PTPRG: variants seen among roughly 807,000 people sequenced by gnomAD.
The protein encoded by PTPRG is receptor-type tyrosine-protein phosphatase gamma.
Under a neutral mutation model 165.3 loss-of-function variants are expected in PTPRG, and 102 were observed. The ratio of observed to expected loss-of-function variants is 0.62; its 90% CI spans 0.53 to 0.73. The LOEUF is 0.73. PTPRG is among the 30% of genes least tolerant of loss of function. The pLI is 0.00. For missense variants in PTPRG, 1,866 were observed against 1,861.4 expected, an observed-to-expected ratio of 1.00 and a Z score of -0.05; for synonymous variants, 675 against 669.5, an observed-to-expected ratio of 1.01 and a Z score of -0.13.
intron 1 of PTPRG, among the ~76,000 whole-genome samples, chr3:61,719,448 G>A (rs937199652): frequency 6.6e-6 from 1 of 152,090 alleles, no homozygotes. Context: ...CCTCCTCTCT[G>A]TCCTTTGTAG....
intron 2 of PTPRG, among the ~76,000 whole-genome samples, chr3:61,839,315 T>G (rs542557761): frequency 6.6e-6 from 1 of 152,216 alleles, no homozygotes; most frequent in Non-Finnish European, 1.5e-5. Context: ...GTAGAATGAA[T>G]CTTATTTTAG....
In PTPRG at chr3:62,080,927, T is replaced by C. The variant is rs186123047; in HGVS notation, c.615+2669T>C. Among the ~76,000 whole-genome samples, 222 of 152,276 alleles carry C rather than the reference T, an allele frequency of 1.5e-3. 2 individuals carry two copies. Among genetic ancestry groups the C allele is most frequent in the South Asian group, 0.013 (65 of 4,820 alleles). ...CTTTTCTAAATTTGGCTTGCTATCCTAAAGACACAAATTAGAGGTCAGATG... is the reference window on the plus strand; with the variant it reads ...CTTTTCTAAATTTGGCTTGCTATCCCAAAGACACAAATTAGAGGTCAGATG... On this transcript the variant is annotated intron_variant, in intron 5 of 29. Coordinates refer to ENST00000474889, the MANE Select transcript of PTPRG (RefSeq NM_002841.4).
At chr3:62,268,892 A>T in intron 19 of PTPRG, 143 bp from the exon 20 acceptor site, 1 of 862,936 alleles carries the variant, frequency 1.2e-6, no homozygotes, top group African/African-American at 1.7e-5. Flanking sequence ...ACCTGCCTTT[A>T]AGCAGTTAAA....
At chr3:61,629,211 A>G (rs764471756) in intron 1 of PTPRG, among the ~76,000 whole-genome samples, 7 of 151,908 alleles carry the variant, frequency 4.6e-5, no homozygotes, top group Non-Finnish European at 7.4e-5. Flanking sequence ...CTGGAGTGCA[A>G]TGGCGCAATT....
At chr3:62,016,258 C>G (rs1264762655) in intron 4 of PTPRG, among the ~76,000 whole-genome samples, 3 of 152,190 alleles carry the variant, frequency 2.0e-5, no homozygotes, top group Non-Finnish European at 4.4e-5. Flanking sequence ...ACCTCCGCCT[C>G]CCAGGTTCAA....
At chr3:62,125,499 C>T (rs879216777) in intron 5 of PTPRG, among the ~76,000 whole-genome samples, 2 of 152,118 alleles carry the variant, frequency 1.3e-5, no homozygotes, top group African/African-American at 4.8e-5. Flanking sequence ...TGAAAACAGT[C>T]GGCTCTGCCT....
chr3:62,216,936 G>A (rs965553776), intron 12 of PTPRG, among the ~76,000 whole-genome samples: 11 of 152,140 alleles, frequency 7.2e-5, no homozygotes, highest in Admixed American at 5.9e-4. Flanking sequence ...CTTCGTTGGG[G>A]AGCTCATGGA....
intron 4 of PTPRG, among the ~76,000 whole-genome samples, chr3:62,057,690 T>A (rs1700678185): frequency 6.6e-6 from 1 of 152,004 alleles, no homozygotes; most frequent in Non-Finnish European, 1.5e-5. Context: ...TGTATGGGAG[T>A]CCAGTAGAAT....
chr3:62,255,043 TA>T lies in PTPRG; in HGVS notation c.2468-79del. ...CTTTGCAAAAATCAAGTATTTGTCT[TA>T]AGGATGCTTTGCTTTATCAGTGTAA... On this transcript the variant is annotated intron_variant, in intron 15 of 29. Transcript: ENST00000474889. This position sits in a 1 kb window ranked among gnomAD's most constrained non-coding sequence, Gnocchi z 4.0. 8.3e-7 allele frequency: 1 copy of T among 1,205,802 alleles called. No individual in the cohort carries two copies. 74.7% of individuals were successfully genotyped at this position (1,205,802 alleles called of 1,614,324 possible).
chr3:62,231,208 GT>G lies in PTPRG; in HGVS notation c.2289-11del, dbSNP rs780050309. On this transcript the variant is annotated splice_polypyrimidine_tract_variant and intron_variant, in intron 13 of 29. Transcript: ENST00000474889. ...CTGTATTCTACACCTGTTCTCTTTT[GT>G]TTTTTGTCCATTTAGAGGGTGTAAC... 6.6e-7 allele frequency: 1 copy of G among 1,525,182 alleles called. No individual in the cohort carries two copies. The highest frequency in any genetic ancestry group is 1.3e-5 in the South Asian group (1 of 76,272). The allele number at this position is 1,525,182 out of a possible 1,614,324, so 94.5% of individuals were successfully genotyped here.
At chr3:61,755,497 A>C (rs1229449180) in intron 2 of PTPRG, among the ~76,000 whole-genome samples, 1 of 152,192 alleles carries the variant, frequency 6.6e-6, no homozygotes, top group Non-Finnish European at 1.5e-5. Context: ...ACATATCCCT[A>C]TTAATCTTAC....
chr3:61,982,920 G>T (rs1156555633), intron 2 of PTPRG, among the ~76,000 whole-genome samples: 2 of 152,228 alleles, frequency 1.3e-5, no homozygotes, highest in East Asian at 3.9e-4. Flanking sequence ...TGGTATTATG[G>T]TTAGTTGTTG....
chr3:62,227,576 G>T (rs1194915604), intron 13 of PTPRG, among the ~76,000 whole-genome samples: 1 of 152,232 alleles, frequency 6.6e-6, no homozygotes, highest in African/African-American at 2.4e-5. Context: ...CATAGAGCTT[G>T]TAAGTTTTAG....
chr3:61,860,089 G>A (rs769493071), intron 2 of PTPRG, among the ~76,000 whole-genome samples: 3 of 152,138 alleles, frequency 2.0e-5, no homozygotes, highest in Admixed American at 6.5e-5. Context: ...ATAAAATCAC[G>A]TGTGATTGCT....
At chr3:62,050,619 T>C (rs1700441901) in intron 4 of PTPRG, among the ~76,000 whole-genome samples, 1 of 152,228 alleles carries the variant, frequency 6.6e-6, no homozygotes, top group Non-Finnish European at 1.5e-5. Flanking sequence ...TGGTACAGTT[T>C]TGTTCATTGT....
chr3:62,131,777 T>C (rs1703523618), intron 5 of PTPRG, among the ~76,000 whole-genome samples: 1 of 152,212 alleles, frequency 6.6e-6, no homozygotes, highest in Non-Finnish European at 1.5e-5. Context: ...GCTAATCCTG[T>C]GGCATGTATA....
chr3:62,003,479 CAGG>C lies in PTPRG; in HGVS notation c.505_507del (p.Arg169del). ...CGGGCTCTGAACACAGCATCAATGG[CAGG>C]AGGTTTCCTGTTGAGGTGAGAGAAA... On this transcript the variant is annotated inframe_deletion, in exon 4 of 30. Transcript: ENST00000474889. 1 of 1,613,838 alleles carries C rather than the reference CAGG, an allele frequency of 6.2e-7. No homozygotes were observed. Among genetic ancestry groups the C allele is most frequent in the Non-Finnish European group, 8.5e-7 (1 of 1,179,868 alleles).
At chr3:61,784,112 C>G (rs1404885597) in intron 2 of PTPRG, among the ~76,000 whole-genome samples, 1 of 152,148 alleles carries the variant, frequency 6.6e-6, no homozygotes, top group Non-Finnish European at 1.5e-5. Context: ...ATGGTGAAAA[C>G]TACACTGTGG....
chr3:62,061,396 G>A (rs1298257295), intron 4 of PTPRG, among the ~76,000 whole-genome samples: 1 of 95,434 alleles, frequency 1.0e-5, no homozygotes, highest in Non-Finnish European at 2.6e-5. Context: ...TCTGTAACCT[G>A]ATTATTGGTT....
Sources: allele counts gnomAD v4.1 joint callset (sites outside exome capture counted in the v4.1 genomes callset), GRCh38; gene constraint gnomAD v4.1.1; non-coding constraint Gnocchi (gnomAD v3.1); transcripts MANE v1.5; gene names NCBI Gene and HGNC (gene_info 2026-07-23, HGNC 2026-07-21).